The following AAGAB variants were observed in gnomAD, a reference collection of about 807,000 sequenced individuals.
AAGAB encodes the protein alpha- and gamma-adaptin-binding protein p34.
Under a neutral mutation model 44.1 loss-of-function variants are expected in AAGAB, and 38 were observed. The observed-to-expected ratio is 0.86, with a 90% CI of 0.67 to 1.13. The LOEUF (loss-of-function observed/expected upper bound fraction) is 1.13, where lower values mean the gene tolerates loss of function less well. AAGAB is among the 50% of genes most tolerant of loss of function. The probability of loss-of-function intolerance (pLI) is 0.00; values close to 1 mark genes in which losing one functional copy is unlikely to be tolerated. For synonymous variants in AAGAB, 131 were observed against 131.8 expected (o/e 0.99, Z 0.04); for missense variants, 450 against 373.8 (o/e 1.20, Z -1.68).
chr15:67,212,081 C>A (rs1963835588), intron 5 of AAGAB, among the ~76,000 whole-genome samples: 1 of 152,086 alleles, frequency 6.6e-6, no homozygotes, highest in South Asian at 2.1e-4. Context: ...CGGGGTTTCA[C>A]CGTGTTAGCC....
intron 4 of AAGAB, among the ~76,000 whole-genome samples, chr15:67,234,646 T>C (rs1309966305): frequency 6.6e-6 from 1 of 152,128 alleles, no homozygotes; most frequent in East Asian, 1.9e-4. Flanking sequence ...TACAAGAACA[T>C]TATTCAGACA....
chr15:67,211,974 G>A (rs984783029), intron 5 of AAGAB, among the ~76,000 whole-genome samples: 1 of 152,066 alleles, frequency 6.6e-6, no homozygotes, highest in African/African-American at 2.4e-5. Context: ...CCGCCTCCTG[G>A]GTTCACACCA....
chr15:67,212,922 A>G (rs1963857700), intron 5 of AAGAB, among the ~76,000 whole-genome samples: 1 of 152,214 alleles, frequency 6.6e-6, no homozygotes. Context: ...GATTCAGGGC[A>G]TGGAAATGTC....
chr15:67,209,582 T>G (rs759650985), intron 5 of AAGAB, 38 bp from the exon 6 acceptor site: 1 of 1,535,010 alleles, frequency 6.5e-7, no homozygotes, highest in South Asian at 1.1e-5. Context: ...ATTTGTCATT[T>G]ACATTTTAAA....
chr15:67,219,082 A>G (rs574207103), intron 5 of AAGAB, among the ~76,000 whole-genome samples: 7 of 152,310 alleles, frequency 4.6e-5, no homozygotes, highest in Admixed American at 2.6e-4. Context: ...ATCCAATGGT[A>G]TCTGGGAATT....
Position 67,202,702 on chromosome 15 carries a change from T to C in AAGAB, c.*119A>G. The C allele has an allele frequency of 2.3e-6, 2 of 872,604 alleles. No homozygotes were observed. Among genetic ancestry groups the C allele is most frequent in the Non-Finnish European group, 3.8e-6 (2 of 527,524 alleles). The allele number at this position is 872,604 out of a possible 1,614,324, so 54.1% of individuals were successfully genotyped here. A position where few individuals can be genotyped will look rare whatever the true frequency, so the allele number is the denominator to read the frequency against. Reference sequence around the variant, plus strand: ...AAAAACTAAAATTAAGGGGACCCTATAAACAAGTCAGGCAGCCAACATGAT... The same window carrying C: ...AAAAACTAAAATTAAGGGGACCCTACAAACAAGTCAGGCAGCCAACATGAT... On this transcript the variant is annotated 3_prime_UTR_variant, in exon 10 of 10. Transcript: ENST00000261880.
chr15:67,222,242 G>GCGCGCGCGCGCA (rs1367738219), intron 5 of AAGAB, among the ~76,000 whole-genome samples: 3 of 90,042 alleles, frequency 3.3e-5, no homozygotes, highest in African/African-American at 1.1e-4. Context: ...GCGCGCGCGC[G>GCGCGCGCGCGCA]CACACACACA....
chr15:67,210,371 C>T (rs939928225), intron 5 of AAGAB, among the ~76,000 whole-genome samples: 5 of 151,972 alleles, frequency 3.3e-5, no homozygotes, highest in Admixed American at 3.3e-4. Context: ...AAAAAATTAG[C>T]CAGGCATGGT....
chr15:67,233,395 TC>T (rs545869693), intron 4 of AAGAB, among the ~76,000 whole-genome samples: 177 of 152,330 alleles, frequency 1.2e-3, no homozygotes, highest in African/African-American at 3.8e-3. Flanking sequence ...AAGGTGGTAT[TC>T]TTAACTACAA....
At chr15:67,207,561 A>G (rs1003485237) in intron 7 of AAGAB, among the ~76,000 whole-genome samples, 5 of 152,354 alleles carry the variant, frequency 3.3e-5, no homozygotes, top group African/African-American at 1.2e-4. Flanking sequence ...GGTGTATAAA[A>G]TATCTATATA....
rs926289553 is a variant in AAGAB, at chr15:67,232,536, G to A, written c.452-639C>T. The A allele has an allele frequency of 2.1e-5, 8 of 382,566 alleles. No individual in the cohort carries two copies. The East Asian group carries it at 3.5e-4, about 17-fold the overall frequency. The allele number at this position is 382,566 out of a possible 1,614,324, so 23.7% of individuals were successfully genotyped here. On this transcript the variant is annotated intron_variant, in intron 4 of 9. Transcript: ENST00000261880. The stretch of plus-strand genomic sequence containing the variant: ...AATGGTCATTGATGTCCTTCACCCC[G>A]GGAAGGCAACACTACCTAAGAGAGA...
intron 5 of AAGAB, among the ~76,000 whole-genome samples, chr15:67,211,013 T>C (rs1963806578): frequency 2.0e-5 from 3 of 152,188 alleles, no homozygotes; most frequent in Admixed American, 1.3e-4. Context: ...CCCTTTCCCC[T>C]GCCAGATACC....
chr15:67,209,249 AG>A (rs1418243500), intron 6 of AAGAB, among the ~76,000 whole-genome samples: 1 of 152,246 alleles, frequency 6.6e-6, no homozygotes, highest in East Asian at 1.9e-4. Context: ...TATTTTAGAA[AG>A]CACCCTAGTA....
At chr15:67,232,093 A>G (rs1006417643) in intron 4 of AAGAB, among the ~76,000 whole-genome samples, 196 bp from the exon 5 acceptor site, 2 of 151,868 alleles carry the variant, frequency 1.3e-5, no homozygotes, top group African/African-American at 4.8e-5. Flanking sequence ...ATCTCTACTA[A>G]AAAATACAAA....
At chr15:67,211,670 G>A (rs1177620876) in intron 5 of AAGAB, among the ~76,000 whole-genome samples, 2 of 152,130 alleles carry the variant, frequency 1.3e-5, no homozygotes, top group Non-Finnish European at 2.9e-5. Context: ...CTGCAAGAGA[G>A]CCCTCACTTC....
intron 5 of AAGAB, among the ~76,000 whole-genome samples, chr15:67,221,949 C>A (rs7161888): frequency 6.6e-6 from 1 of 151,618 alleles, no homozygotes; most frequent in East Asian, 1.9e-4. Context: ...TAACCACAAC[C>A]CCTCCATCAT....
At chr15:67,232,467 C>G (rs1964362922) in intron 4 of AAGAB, 1 of 263,390 alleles carries the variant, frequency 3.8e-6, no homozygotes, top group African/African-American at 2.3e-5. Context: ...GGTAACTATC[C>G]AAACTGGAAA....
chr15:67,235,358 A>G (rs1051505988), intron 4 of AAGAB, among the ~76,000 whole-genome samples: 13 of 152,200 alleles, frequency 8.5e-5, no homozygotes, highest in Admixed American at 5.2e-4. Context: ...GTTTTGGTGA[A>G]CCAAAAACCC....
chr15:67,204,064 GA>G lies in AAGAB; in HGVS notation c.799del (p.Ser267GlnfsTer3), dbSNP rs752656407. Reference protein sequence around the residue: ...GDVENFERLFSKLKEMKDKAA... With the variant: ...GDVENFERLFXKLKEMKDKAA... ...ATTACCTTTCATTTCCTTTAACTTTGAAAAGAGTCTTTCAAAATTCTCCACA... is the reference window on the plus strand; with the variant it reads ...ATTACCTTTCATTTCCTTTAACTTTGAAAGAGTCTTTCAAAATTCTCCACA... On this transcript the variant is annotated frameshift_variant, in exon 8 of 10. Coordinates refer to ENST00000261880, the MANE Select transcript of AAGAB (RefSeq NM_024666.5). LOFTEE classifies it high-confidence loss of function. 1 of 1,606,992 alleles carries G rather than the reference GA, an allele frequency of 6.2e-7. No individual in the cohort carries two copies. The highest frequency in any genetic ancestry group is 1.7e-5 in the Admixed American group (1 of 59,904).
Sources: allele counts gnomAD v4.1 joint callset (sites outside exome capture counted in the v4.1 genomes callset), GRCh38; gene constraint gnomAD v4.1.1; transcripts MANE v1.5; gene names NCBI Gene and HGNC (gene_info 2026-07-23, HGNC 2026-07-21).